SPIDR: variants seen among roughly 807,000 people sequenced by gnomAD.
SPIDR encodes the protein DNA repair-scaffolding protein.
SPIDR carries 93 observed loss-of-function variants against 104.6 expected under a neutral mutation model. That is an observed-to-expected ratio of 0.89 (90% CI 0.75 to 1.06). SPIDR has a LOEUF of 1.06. SPIDR is among the 50% of genes least tolerant of loss of function. The pLI, the probability that SPIDR is intolerant of heterozygous loss-of-function variation, is 0.00. For synonymous variants in SPIDR, 431 were observed against 416.9 expected (o/e 1.03, Z -0.41); for missense variants, 1,154 against 1,111.2 (o/e 1.04, Z -0.55).
At chr8:47,287,507 G>T (rs976004276) in intron 3 of SPIDR, among the ~76,000 whole-genome samples, 1 of 152,020 alleles carries the variant, frequency 6.6e-6, no homozygotes, top group African/African-American at 2.4e-5. Context: ...TATCCCAACC[G>T]CATAAGACAG....
intron 10 of SPIDR, among the ~76,000 whole-genome samples, chr8:47,665,899 CTG>C (rs1368563371): frequency 6.6e-6 from 1 of 152,164 alleles, no homozygotes; most frequent in East Asian, 1.9e-4. Context: ...TATTAATACT[CTG>C]TGAATATTAG....
chr8:47,549,236 G>T (rs960927294), intron 8 of SPIDR, among the ~76,000 whole-genome samples: 1 of 152,182 alleles, frequency 6.6e-6, no homozygotes, highest in African/African-American at 2.4e-5. Flanking sequence ...ACATATGTGT[G>T]CATGTGTCTT....
intron 8 of SPIDR, among the ~76,000 whole-genome samples, chr8:47,572,093 T>A (rs905883018): frequency 6.6e-6 from 1 of 152,264 alleles, no homozygotes; most frequent in South Asian, 2.1e-4. Context: ...TAGAAAAAAA[T>A]TTAACTGAAA....
chr8:47,665,185 CA>C, intron 10 of SPIDR, among the ~76,000 whole-genome samples: 1 of 152,186 alleles, frequency 6.6e-6, no homozygotes, highest in African/African-American at 2.4e-5. Flanking sequence ...ATCTTGAAAA[CA>C]ACAAAGGAAA....
chr8:47,377,461 G>A (rs150091301), intron 5 of SPIDR, among the ~76,000 whole-genome samples: 1 of 152,326 alleles, frequency 6.6e-6, no homozygotes, highest in African/African-American at 2.4e-5. Flanking sequence ...CCAGGCACAA[G>A]CCTCCAAGTG....
intron 6 of SPIDR, among the ~76,000 whole-genome samples, chr8:47,397,535 A>C (rs1252167527): frequency 6.6e-6 from 1 of 152,210 alleles, no homozygotes; most frequent in Non-Finnish European, 1.5e-5. Flanking sequence ...GAGAACCTGT[A>C]GGAAGCATTG....
chr8:47,595,832 T>A lies in SPIDR; in HGVS notation c.1119T>A (p.Ser373Arg). The change falls in exon 9 of 20, where the codon AGT (serine) becomes AGA (arginine). Residue 373 changes from serine (S) to arginine (R), a missense_variant. Transcript: ENST00000297423. ...CCAGGCAAAAACTGATTATTCCAAG[T>A]GGAAGTTGCCCTGTTATTCTGAATA... ...FPPWQKLIIP[S>R]GSCPVILNTY... is the part of the protein sequence containing the mutation. 1 of 1,614,080 alleles carries A rather than the reference T, an allele frequency of 6.2e-7. No homozygotes were observed. Among genetic ancestry groups the A allele is most frequent in the South Asian group, 1.1e-5 (1 of 91,030 alleles).
chr8:47,698,673 C>T (rs983001283), intron 11 of SPIDR, among the ~76,000 whole-genome samples: 5 of 152,188 alleles, frequency 3.3e-5, no homozygotes, highest in Non-Finnish European at 5.9e-5. Context: ...GCTTCTAGAA[C>T]AGCATTTGTC....
Position 47,338,313 on chromosome 8 carries a change from T to G in SPIDR, c.525+44283T>G, listed in dbSNP as rs187767130. On this transcript the variant is annotated intron_variant, in intron 5 of 19. Transcript: ENST00000297423. ...ATGGTATGAAATTCCCCATATAAAT[T>G]TAACATGACCAGAAAGTTTGAAATT... 9.2e-5 allele frequency among the ~76,000 whole-genome samples: 14 copies of G among 152,338 alleles called. No individual in the cohort carries two copies. The East Asian group carries it at 2.7e-3, about 29-fold the overall frequency.
intron 8 of SPIDR, chr8:47,511,448 A>C (rs749237113): frequency 1.7e-4 from 134 of 786,086 alleles, no homozygotes; most frequent in Admixed American, 6.5e-4. Context: ...TCCATATCCA[A>C]GTTCGCCTGT....
At chr8:47,649,369 T>C (rs1199593804) in intron 10 of SPIDR, among the ~76,000 whole-genome samples, 2 of 151,828 alleles carry the variant, frequency 1.3e-5, no homozygotes, top group African/African-American at 4.8e-5. Context: ...AAACCCAAAA[T>C]GAGGGTTCAT....
chr8:47,347,233 C>G (rs944145682), intron 5 of SPIDR, among the ~76,000 whole-genome samples: 1 of 152,186 alleles, frequency 6.6e-6, no homozygotes, highest in Non-Finnish European at 1.5e-5. Context: ...GCAGGTTGTT[C>G]AGTTTCCATG....
At chr8:47,401,842 T>C (rs570616126) in intron 6 of SPIDR, among the ~76,000 whole-genome samples, 2 of 152,116 alleles carry the variant, frequency 1.3e-5, no homozygotes, top group Admixed American at 6.6e-5. Flanking sequence ...AGCAAGTCCT[T>C]AGAGACCTAC....
intron 11 of SPIDR, among the ~76,000 whole-genome samples, chr8:47,681,019 C>T (rs535179715): frequency 1.3e-5 from 2 of 152,180 alleles, no homozygotes; most frequent in Non-Finnish European, 2.9e-5. Context: ...GCCGAGATCA[C>T]GCCATTGCGC....
At chr8:47,281,107 T>C (rs1285786781) in intron 2 of SPIDR, among the ~76,000 whole-genome samples, 2 of 152,238 alleles carry the variant, frequency 1.3e-5, no homozygotes, top group African/African-American at 2.4e-5. Context: ...TAATGTAGTC[T>C]GTTAAGTGCA....
intron 5 of SPIDR, among the ~76,000 whole-genome samples, chr8:47,300,613 C>G (rs2041896705): frequency 6.6e-6 from 1 of 152,194 alleles, no homozygotes; most frequent in Non-Finnish European, 1.5e-5. Context: ...CTACACACTG[C>G]TTTGAATGTG....
intron 8 of SPIDR, among the ~76,000 whole-genome samples, chr8:47,470,205 T>G (rs576127813): frequency 9.2e-5 from 14 of 152,210 alleles, no homozygotes; most frequent in African/African-American, 2.9e-4. Context: ...AGGAGAGAGA[T>G]AGAGATCAAT....
At chr8:47,452,316 G>A (rs766459557) in intron 8 of SPIDR, among the ~76,000 whole-genome samples, 1 of 152,136 alleles carries the variant, frequency 6.6e-6, no homozygotes, top group African/African-American at 2.4e-5. Flanking sequence ...AAAGCACTGG[G>A]ATGATGTATT....
intron 8 of SPIDR, among the ~76,000 whole-genome samples, chr8:47,452,481 G>A (rs183232391): frequency 1.1e-3 from 165 of 152,180 alleles, no homozygotes; most frequent in African/African-American, 3.2e-3. Flanking sequence ...CTGGCAAACC[G>A]AATCCAGCAG....
Sources: allele counts gnomAD v4.1 joint callset (sites outside exome capture counted in the v4.1 genomes callset), GRCh38; gene constraint gnomAD v4.1.1; transcripts MANE v1.5; gene names NCBI Gene and HGNC (gene_info 2026-07-23, HGNC 2026-07-21).